The following DCUN1D2 variants were observed in gnomAD, a reference collection of about 807,000 sequenced individuals.
DCUN1D2 encodes DCN1-like protein 2.
Under a neutral mutation model 30.9 loss-of-function variants are expected in DCUN1D2, and 29 were observed. The observed-to-expected ratio is 0.94, with a 90% CI of 0.70 to 1.28. The LOEUF (loss-of-function observed/expected upper bound fraction) is 1.28, where lower values mean the gene tolerates loss of function less well. Ranked by LOEUF, DCUN1D2 falls within the 50% of genes most tolerant of loss-of-function variation. The probability of loss-of-function intolerance (pLI) is 0.00; values close to 1 mark genes in which losing one functional copy is unlikely to be tolerated. For missense variants in DCUN1D2, 325 were observed against 316.9 expected (o/e 1.03, Z -0.19); for synonymous variants, 121 against 115.3 (o/e 1.05, Z -0.32).
chr13:113,464,697 C>A (rs1434222462), intron 4 of DCUN1D2, among the ~76,000 whole-genome samples: 1 of 152,216 alleles, frequency 6.6e-6, no homozygotes, highest in African/African-American at 2.4e-5. Context: ...CAGCTGGAGG[C>A]AGGTGGGAGG....
At chr13:113,470,802 G>T (rs1293606645) in intron 4 of DCUN1D2, among the ~76,000 whole-genome samples, 1 of 148,510 alleles carries the variant, frequency 6.7e-6, no homozygotes, top group Non-Finnish European at 1.5e-5. Flanking sequence ...CTCCACAGAA[G>T]ACACAACTCC....
In DCUN1D2 at chr13:113,481,821, T is replaced by C. The variant is rs111872518; in HGVS notation, c.221-1078A>G. ...ATCGCTTGAACCCAGGAGGTGGAGG[T>C]TGCAGTGAGCCAAGATCATGCCATT... On this transcript the variant is annotated intron_variant, in intron 2 of 6. Coordinates refer to ENST00000478244, the MANE Select transcript of DCUN1D2 (RefSeq NM_001014283.2). 3.3e-3 allele frequency among the ~76,000 whole-genome samples: 486 copies of C among 148,546 alleles called. 3 individuals are homozygous for C. Among genetic ancestry groups the C allele is most frequent in the African/African-American group, 0.011 (448 of 39,498 alleles).
chr13:113,484,750 G>T (rs139505618), intron 1 of DCUN1D2, among the ~76,000 whole-genome samples: 1 of 152,124 alleles, frequency 6.6e-6, no homozygotes, highest in African/African-American at 2.4e-5. Context: ...AGTATATAAT[G>T]AAACAAAGTA....
At chr13:113,480,775 T>C (rs529520008) in intron 2 of DCUN1D2, 32 bp from the exon 3 acceptor site, 4 of 1,610,122 alleles carry the variant, frequency 2.5e-6, no homozygotes, top group African/African-American at 2.7e-5. Flanking sequence ...AAGGAAGTTA[T>C]ACTATTTTGA....
chr13:113,483,799 G>C, intron 2 of DCUN1D2, 41 bp downstream of exon 2: 1 of 1,593,476 alleles, frequency 6.3e-7, no homozygotes, highest in Non-Finnish European at 8.6e-7. Flanking sequence ...GCCGCTCGCG[G>C]AGGCCGACAT....
chr13:113,458,427 G>A (rs34241146), intron 6 of DCUN1D2, among the ~76,000 whole-genome samples: 9 of 152,326 alleles, frequency 5.9e-5, no homozygotes, highest in Middle Eastern at 6.8e-3. Flanking sequence ...CGCGGAGCAG[G>A]AGGCATGTTC....
At chr13:113,458,178 A>C in intron 6 of DCUN1D2, 70 bp from the exon 7 acceptor site, 1 of 1,281,252 alleles carries the variant, frequency 7.8e-7, no homozygotes, top group Non-Finnish European at 1.1e-6. Flanking sequence ...TGAGTCACAC[A>C]TCAATCCAAC....
intron 3 of DCUN1D2, among the ~76,000 whole-genome samples, chr13:113,479,269 T>C (rs1164126876): frequency 2.0e-5 from 3 of 152,206 alleles, no homozygotes; most frequent in East Asian, 1.9e-4. Flanking sequence ...TTTCTCTTTG[T>C]AGTTGCTTAT....
At chr13:113,466,967 C>T (rs549714243) in intron 4 of DCUN1D2, among the ~76,000 whole-genome samples, 9 of 152,048 alleles carry the variant, frequency 5.9e-5, no homozygotes, top group East Asian at 5.8e-4. Context: ...CCACCACGCC[C>T]GGCTAATTTT....
chr13:113,459,202 T>G, intron 6 of DCUN1D2, 110 bp downstream of exon 6: 1 of 682,134 alleles, frequency 1.5e-6, no homozygotes, highest in Non-Finnish European at 2.7e-6. Flanking sequence ...GGGGGTAGTA[T>G]TATGACCACG....
intron 1 of DCUN1D2, among the ~76,000 whole-genome samples, chr13:113,485,987 G>A (rs2044796386): frequency 6.6e-6 from 1 of 151,790 alleles, no homozygotes; most frequent in Admixed American, 6.6e-5. Context: ...AAATGTAATG[G>A]GTTTTTATTG....
chr13:113,480,046 A>G (rs1235756577), intron 3 of DCUN1D2, among the ~76,000 whole-genome samples: 1 of 152,232 alleles, frequency 6.6e-6, no homozygotes, highest in African/African-American at 2.4e-5. Context: ...ACTGTAGTTC[A>G]GTAAGCTTAA....
chr13:113,468,106 T>C (rs2044438135), intron 4 of DCUN1D2, among the ~76,000 whole-genome samples: 1 of 150,090 alleles, frequency 6.7e-6, no homozygotes, highest in South Asian at 2.1e-4. Context: ...TGTACACCCA[T>C]GTTCATAGCA....
intron 3 of DCUN1D2, 53 bp downstream of exon 3, chr13:113,480,522 G>A: frequency 6.3e-7 from 1 of 1,592,436 alleles, no homozygotes; most frequent in Non-Finnish European, 8.6e-7. Context: ...GAAAAATAAT[G>A]TTAGAAGTAT....
intron 1 of DCUN1D2, chr13:113,489,208 T>C: frequency 1.2e-5 from 11 of 943,426 alleles, no homozygotes; most frequent in Non-Finnish European, 1.4e-5. Context: ...ATCCCTGCTC[T>C]TGGATCTCCA....
In DCUN1D2 at chr13:113,467,317, A is replaced by T. The variant is rs183735302; in HGVS notation, c.521-6181T>A. 3.1e-3 allele frequency among the ~76,000 whole-genome samples: 465 copies of T among 152,328 alleles called. 4 individuals are homozygous for T. Among genetic ancestry groups the T allele is most frequent in the African/African-American group, 0.01 (432 of 41,568 alleles). On this transcript the variant is annotated intron_variant, in intron 4 of 6. Coordinates refer to ENST00000478244, the MANE Select transcript of DCUN1D2 (RefSeq NM_001014283.2). The stretch of plus-strand genomic sequence containing the variant: ...AACATGATGTTACTATGTGCATTTT[A>T]AAAAATATAATACTTGCATGTAATT...
At chr13:113,483,527 C>A (rs951251016) in intron 2 of DCUN1D2, among the ~76,000 whole-genome samples, 3 of 152,210 alleles carry the variant, frequency 2.0e-5, no homozygotes, top group Admixed American at 6.5e-5. Flanking sequence ...AGACACCAAG[C>A]CTCCCAGCAG....
At chr13:113,481,582 G>C (rs1175760810) in intron 2 of DCUN1D2, among the ~76,000 whole-genome samples, 1 of 152,162 alleles carries the variant, frequency 6.6e-6, no homozygotes, top group Non-Finnish European at 1.5e-5. Context: ...CATATATATA[G>C]TTACCAAAGA....
chr13:113,459,592 C>G (rs1424619408), intron 5 of DCUN1D2, 184 bp from the exon 6 acceptor site: 1 of 444,150 alleles, frequency 2.3e-6, no homozygotes, highest in Non-Finnish European at 4.0e-6. Flanking sequence ...CGCTAATGTC[C>G]AAATATAGAA....
Sources: allele counts gnomAD v4.1 joint callset (sites outside exome capture counted in the v4.1 genomes callset), GRCh38; gene constraint gnomAD v4.1.1; transcripts MANE v1.5; gene names NCBI Gene and HGNC (gene_info 2026-07-23, HGNC 2026-07-21).